Variants in ALLC observed in about 807,000 individuals in gnomAD.
ALLC encodes allantoicase, also known as probable inactive allantoicase.
A neutral mutation model predicts 45.0 loss-of-function variants in ALLC; 40 were observed. The observed-to-expected ratio is 0.89, with a 90% confidence interval of 0.69 to 1.16. ALLC has a LOEUF of 1.16. ALLC is among the 50% of genes most tolerant of loss of function. ALLC has a pLI of 0.00. For synonymous variants in ALLC, 176 were observed against 178.1 expected (o/e 0.99, Z 0.09); for missense variants, 488 against 493.1 (o/e 0.99, Z 0.10).
intron 1 of ALLC, among the ~76,000 whole-genome samples, chr2:3,659,879 C>T (rs1337528458): frequency 2.0e-5 from 3 of 152,230 alleles, no homozygotes; most frequent in African/African-American, 4.8e-5. Flanking sequence ...ACAAATGTCA[C>T]GGCCCTTTCA....
At chr2:3,697,565 G>A (rs771204841) in intron 10 of ALLC, 109 bp downstream of exon 10, 10 of 789,804 alleles carry the variant, frequency 1.3e-5, no homozygotes, top group Non-Finnish European at 1.9e-5. Flanking sequence ...TGGATTCCCC[G>A]TTTAAGCTGT....
At chr2:3,696,395 T>C (rs1667674104) in intron 9 of ALLC, 47 bp downstream of exon 9, 3 of 1,509,770 alleles carry the variant, frequency 2.0e-6, no homozygotes, top group Non-Finnish European at 2.7e-6. Context: ...CTTAAAAGTA[T>C]TTTTTGGAAC....
intron 11 of ALLC, among the ~76,000 whole-genome samples, chr2:3,701,870 A>C (rs182729177): frequency 6.6e-6 from 1 of 152,338 alleles, no homozygotes; most frequent in Admixed American, 6.5e-5. Context: ...CATACGTGGA[A>C]ACATGTCTCT....
At chr2:3,681,883 A>G (rs1025562426) in intron 6 of ALLC, among the ~76,000 whole-genome samples, 170 bp downstream of exon 6, 1 of 152,188 alleles carries the variant, frequency 6.6e-6, no homozygotes, top group Admixed American at 6.5e-5. Context: ...TGGTTCATCA[A>G]CCTGGGAAGA....
At chr2:3,693,948 A>G (rs969696728) in intron 7 of ALLC, among the ~76,000 whole-genome samples, 6 of 152,230 alleles carry the variant, frequency 3.9e-5, no homozygotes, top group South Asian at 2.1e-4. Context: ...AGATCGTGCC[A>G]CTGCATTCCA....
At chr2:3,651,307 G>GGGGTGTGT in the ALLC span, among the ~76,000 whole-genome samples, 2 of 5,548 alleles carry the variant, frequency 3.6e-4, 1 homozygote, top group Non-Finnish European at 6.9e-4. Flanking sequence ...TGGGTGGGTG[G>GGGGTGTGT]GTGGGTGGGG....
chr2:3,681,213 A>G (rs1195443354), intron 5 of ALLC, among the ~76,000 whole-genome samples: 1 of 152,118 alleles, frequency 6.6e-6, no homozygotes, highest in Non-Finnish European at 1.5e-5. Flanking sequence ...AACGAGTAAG[A>G]TTGTTTCGGC....
intron 2 of ALLC, 82 bp from the exon 3 acceptor site, chr2:3,673,993 C>T (rs1572513010): frequency 2.8e-6 from 3 of 1,074,884 alleles, no homozygotes; most frequent in African/African-American, 1.6e-5. Flanking sequence ...TACTTCATCT[C>T]ATAATGTTTC....
chr2:3,702,445 TC>T lies in ALLC; in HGVS notation c.1062del (p.Asp355ThrfsTer4). On this transcript the variant is annotated frameshift_variant, in exon 12 of 12. Coordinates refer to ENST00000252505, the MANE Select transcript of ALLC (RefSeq NM_018436.4). LOFTEE classifies it high-confidence loss of function. ...ATCACTCACGCCAGGCTCACCATCGTCCCCGACGGGGGAGTGAGCCGCCTTC... is the reference window on the plus strand; with the variant it reads ...ATCACTCACGCCAGGCTCACCATCGTCCCGACGGGGGAGTGAGCCGCCTTC... Reference protein sequence around the residue: ...DVITHARLTIVPDGGVSRLRL... With the variant: ...DVITHARLTIXPDGGVSRLRL... 1.9e-6 allele frequency: 3 copies of T among 1,612,658 alleles called. No individual in the cohort carries two copies. The highest frequency in any genetic ancestry group is 1.3e-5 in the African/African-American group (1 of 74,902).
intron 2 of ALLC, among the ~76,000 whole-genome samples, chr2:3,671,778 G>T (rs1406680471): frequency 2.8e-5 from 4 of 144,508 alleles, no homozygotes; most frequent in African/African-American, 1.1e-4. Flanking sequence ...TCTGGCTCTG[G>T]TTAGATGGGA....
chr2:3,670,357 A>G (rs1334171030), intron 1 of ALLC, among the ~76,000 whole-genome samples: 1 of 152,214 alleles, frequency 6.6e-6, no homozygotes, highest in Non-Finnish European at 1.5e-5. Flanking sequence ...GGGGTAGAGA[A>G]AAGGGCTAGG....
Position 3,680,105 on chromosome 2 carries a change from C to A in ALLC, c.298+111C>A. ...TCCCTACCACCCAGACAGCTTCAGGCGCTTGACTAAGGCTACTTTACTGTA... is the reference window on the plus strand; with the variant it reads ...TCCCTACCACCCAGACAGCTTCAGGAGCTTGACTAAGGCTACTTTACTGTA... On this transcript the variant is annotated intron_variant, in intron 5 of 11. Transcript: ENST00000252505. This position sits in a 1 kb window ranked among gnomAD's most constrained non-coding sequence, Gnocchi z 4.0. 1 of 1,466,302 alleles carries A rather than the reference C, an allele frequency of 6.8e-7. No individual in the cohort carries two copies. The highest frequency in any genetic ancestry group is 1.2e-5 in the South Asian group (1 of 80,148). 90.8% of individuals were successfully genotyped at this position (1,466,302 alleles called of 1,614,324 possible). A position where few individuals can be genotyped will look rare whatever the true frequency, so the allele number is the denominator to read the frequency against.
At chr2:3,669,190 C>A (rs11682334) in intron 1 of ALLC, among the ~76,000 whole-genome samples, 59,339 of 151,362 alleles carry the variant, frequency 0.39, 12,086 homozygotes, top group African/African-American at 0.5. Context: ...TACAGTAATT[C>A]CGGCCAGGTG....
chr2:3,682,290 AT>A, intron 6 of ALLC, among the ~76,000 whole-genome samples: 1 of 152,328 alleles, frequency 6.6e-6, no homozygotes, highest in Non-Finnish European at 1.5e-5. Context: ...GTCATGGAGC[AT>A]GGCAGTAGCC....
At chr2:3,697,621 GTCTATCTATCTA>G (rs201211524) in intron 10 of ALLC, among the ~76,000 whole-genome samples, 165 bp downstream of exon 10, 1,411 of 125,432 alleles carry the variant, frequency 0.011, 16 homozygotes, top group African/African-American at 0.036. Context: ...CTGTCTGTCT[GTCTATCTATCTA>G]TCTATCTATC....
At position 3,679,690 on chromosome 2, in the gene ALLC, T is replaced by G. The variant is rs545452099; in HGVS notation, c.173-179T>G. Among the ~76,000 whole-genome samples, 5 of 152,332 alleles carry G rather than the reference T, an allele frequency of 3.3e-5. No homozygotes were observed. In the East Asian group the frequency reaches 5.8e-4, roughly 18 times the overall value. On this transcript the variant is annotated intron_variant, in intron 4 of 11. Coordinates refer to ENST00000252505, the MANE Select transcript of ALLC (RefSeq NM_018436.4). ...TTCGTTGGGGAATGGTGGTCACATGTGGCCAGGTTATGAGAGATCCTACAG... is the reference window on the plus strand; with the variant it reads ...TTCGTTGGGGAATGGTGGTCACATGGGGCCAGGTTATGAGAGATCCTACAG...
chr2:3,695,417 G>A (rs1667636888), intron 7 of ALLC: 2 of 323,354 alleles, frequency 6.2e-6, no homozygotes, highest in Admixed American at 4.5e-5. Context: ...TCAGGCAGTG[G>A]CTGAATGGAG....
At chr2:3,651,432 TGTGTGTGTGTTAGG>T in the ALLC span, among the ~76,000 whole-genome samples, 497 of 60,160 alleles carry the variant, frequency 8.3e-3, 18 homozygotes, top group Middle Eastern at 0.018. Flanking sequence ...TGTGTGTGTG[TGTGTGTGTGTTAGG>T]AAGGGAGACG....
the ALLC span, among the ~76,000 whole-genome samples, chr2:3,648,088 C>T: frequency 3.3e-5 from 5 of 152,198 alleles, no homozygotes; most frequent in East Asian, 5.8e-4. Flanking sequence ...CCAGGGAGCC[C>T]GGCAGCCCTG....
Sources: gnomAD v4.1 joint callset for allele counts (sites outside exome capture counted in the v4.1 genomes callset) on GRCh38, gnomAD v4.1.1 for gene constraint, Gnocchi (gnomAD v3.1) non-coding constraint, MANE v1.5 for transcripts, NCBI Gene and HGNC (gene_info 2026-07-23, HGNC 2026-07-21) for gene names.